Variants in NRXN1 observed in about 807,000 individuals in gnomAD.
NRXN1 encodes the protein neurexin-1.
Under a neutral mutation model 150.9 loss-of-function variants are expected in NRXN1, and 39 were observed. That is an observed-to-expected ratio of 0.26 (90% CI 0.20 to 0.34). The LOEUF (loss-of-function observed/expected upper bound fraction) is 0.34. Among genes scored for constraint, NRXN1 ranks in the 10% least tolerant of loss-of-function variants. The probability of loss-of-function intolerance (pLI) is 1.00; values close to 1 mark genes in which losing one functional copy is unlikely to be tolerated. For synonymous variants in NRXN1, 924 were observed against 757.0 expected (o/e 1.22, Z -3.62); for missense variants, 1,815 against 1,949.9 (o/e 0.93, Z 1.30).
intron 17 of NRXN1, among the ~76,000 whole-genome samples, chr2:50,246,067 C>G (rs1191834922): frequency 6.6e-6 from 1 of 151,942 alleles, no homozygotes; most frequent in East Asian, 1.9e-4. Context: ...GGGAAAGTTT[C>G]TATAATGACA....
intron 5 of NRXN1, among the ~76,000 whole-genome samples, chr2:50,894,501 A>G (rs1681612912): frequency 6.6e-6 from 1 of 151,856 alleles, no homozygotes; most frequent in Non-Finnish European, 1.5e-5. Flanking sequence ...TTTTCCATAA[A>G]CGCAGAACAC....
intron 8 of NRXN1, among the ~76,000 whole-genome samples, chr2:50,577,887 G>A (rs1188876014): frequency 2.0e-5 from 3 of 152,102 alleles, no homozygotes; most frequent in Admixed American, 1.3e-4. Flanking sequence ...GCTATAATAT[G>A]CAATAATGTC....
chr2:50,832,389 C>T (rs1265758153), intron 5 of NRXN1, among the ~76,000 whole-genome samples: 1 of 152,146 alleles, frequency 6.6e-6, no homozygotes, highest in East Asian at 1.9e-4. Flanking sequence ...CGGTGGCTCA[C>T]ACCTGTAATC....
intron 5 of NRXN1, among the ~76,000 whole-genome samples, chr2:50,840,368 TAAC>T (rs1672693602): frequency 6.6e-6 from 1 of 152,144 alleles, no homozygotes; most frequent in South Asian, 2.1e-4. Context: ...CACTTATGAT[TAAC>T]ATCAACAATA....
chr2:50,127,589 T>C (rs1025687759), intron 18 of NRXN1, among the ~76,000 whole-genome samples: 9 of 152,192 alleles, frequency 5.9e-5, no homozygotes, highest in African/African-American at 1.9e-4. Context: ...ATCAATTTAA[T>C]GTGCCTTCTT....
intron 9 of NRXN1, chr2:50,548,049 G>C (rs1297858051): frequency 6.6e-6 from 1 of 152,118 alleles, no homozygotes; most frequent in African/African-American, 2.4e-5. Context: ...TGAATAAGGG[G>C]TTCATATACC....
chr2:50,643,874 C>T (rs937069925), intron 5 of NRXN1, among the ~76,000 whole-genome samples: 5 of 151,776 alleles, frequency 3.3e-5, no homozygotes, highest in South Asian at 2.1e-4. Context: ...CTTTTATAAA[C>T]ATTTAGCTTG....
chr2:50,299,468 C>T (rs2073955776), intron 17 of NRXN1, among the ~76,000 whole-genome samples: 1 of 150,982 alleles, frequency 6.6e-6, no homozygotes, highest in Non-Finnish European at 1.5e-5. Context: ...CTTTTTCCCC[C>T]TGAAGAATTG....
At chr2:50,961,488 T>C (rs1194703773) in intron 2 of NRXN1, among the ~76,000 whole-genome samples, 1 of 151,820 alleles carries the variant, frequency 6.6e-6, no homozygotes, top group Non-Finnish European at 1.5e-5. Flanking sequence ...ATATGGTTTA[T>C]TGTCTTCCAC....
intron 1 of NRXN1, among the ~76,000 whole-genome samples, chr2:51,031,422 C>G (rs1054620682): frequency 6.6e-6 from 1 of 152,096 alleles, no homozygotes; most frequent in African/African-American, 2.4e-5. Context: ...CACACCTACA[C>G]CTTTCCATGC....
chr2:50,277,281 T>C (rs1305251893), intron 17 of NRXN1, among the ~76,000 whole-genome samples: 2 of 152,120 alleles, frequency 1.3e-5, no homozygotes, highest in African/African-American at 4.8e-5. Flanking sequence ...AATAAATAAA[T>C]GTTAAAAAAT....
intron 5 of NRXN1, among the ~76,000 whole-genome samples, chr2:50,653,686 A>G (rs1474958229): frequency 1.3e-5 from 2 of 152,066 alleles, no homozygotes; most frequent in East Asian, 3.9e-4. Flanking sequence ...TTTAATGCAT[A>G]ATATAATTGC....
intron 15 of NRXN1, among the ~76,000 whole-genome samples, chr2:50,489,596 A>C (rs916550605): frequency 6.6e-5 from 10 of 151,834 alleles, no homozygotes; most frequent in Non-Finnish European, 1.3e-4. Context: ...CACACCAGAC[A>C]ATCCCCAAGA....
chr2:50,180,396 G>A (rs936977662), intron 18 of NRXN1, among the ~76,000 whole-genome samples: 7 of 152,074 alleles, frequency 4.6e-5, no homozygotes, highest in Non-Finnish European at 8.8e-5. Flanking sequence ...CACCTTGCTA[G>A]TGTTCCAGCA....
intron 5 of NRXN1, among the ~76,000 whole-genome samples, chr2:50,760,884 T>G (rs1211472830): frequency 6.6e-6 from 1 of 151,888 alleles, no homozygotes; most frequent in Non-Finnish European, 1.5e-5. Flanking sequence ...CCACAATCTA[T>G]TCACATTGTT....
chr2:50,145,248 C>G (rs1707833463), intron 18 of NRXN1, among the ~76,000 whole-genome samples: 1 of 151,486 alleles, frequency 6.6e-6, no homozygotes, highest in Admixed American at 6.6e-5. Flanking sequence ...AAATTTAACA[C>G]TAGGATTTTT....
rs901481284 is a variant in NRXN1, at chr2:50,275,331, T to C, written c.3365-38361A>G. Among the ~76,000 whole-genome samples, 4 of 152,292 alleles carry C rather than the reference T, an allele frequency of 2.6e-5. No homozygotes were observed. In the East Asian group the frequency reaches 5.8e-4, roughly 22 times the overall value. On this transcript the variant is annotated intron_variant, in intron 17 of 22. Transcript: ENST00000401669. Reference sequence around the variant, plus strand: ...TATAAAAATTCTATGAAAATCAATATAGATTTGCAGATTGTAACTTCAACA... The same window carrying C: ...TATAAAAATTCTATGAAAATCAATACAGATTTGCAGATTGTAACTTCAACA...
rs183180580 is a variant in NRXN1 at position 50,197,677 on chromosome 2, T to A, written c.3546+39112A>T. On this transcript the variant is annotated intron_variant, in intron 18 of 22. Transcript: ENST00000401669. ...GTATCTTAATTCTCTTCTGTAAGTA[T>A]TTTTTCCTTTTGCATATGTTCTCCC... 5.6e-4 allele frequency among the ~76,000 whole-genome samples: 85 copies of A among 152,238 alleles called. 1 individual carries two copies. The highest frequency in any genetic ancestry group is 1.6e-3 in the Admixed American group (24 of 15,266).
At chr2:50,745,304 C>CT (rs907692126) in intron 5 of NRXN1, among the ~76,000 whole-genome samples, 125 of 145,890 alleles carry the variant, frequency 8.6e-4, no homozygotes, top group African/African-American at 3.0e-3. Context: ...TATCTGCCCC[C>CT]CCCCAGGACT....
Sources: gnomAD v4.1 joint callset for allele counts (sites outside exome capture counted in the v4.1 genomes callset) on GRCh38, gnomAD v4.1.1 for gene constraint, MANE v1.5 for transcripts, NCBI Gene and HGNC (gene_info 2026-07-23, HGNC 2026-07-21) for gene names.